PRPSAP1: variants seen among roughly 807,000 people sequenced by gnomAD.
PRPSAP1 encodes phosphoribosyl pyrophosphate synthase-associated protein 1.
In PRPSAP1, 31 loss-of-function variants were observed where a neutral mutation model predicts 39.4. That is an observed-to-expected ratio of 0.79 (90% CI 0.59 to 1.06). The LOEUF is 1.06. PRPSAP1 is among the 50% of genes least tolerant of loss of function. The pLI is 0.00. For synonymous variants in PRPSAP1, 212 were observed against 192.6 expected (o/e 1.10, Z -0.83); for missense variants, 430 against 511.6 (o/e 0.84, Z 1.54).
chr17:76,340,772 C>T (rs1254462876), intron 3 of PRPSAP1, among the ~76,000 whole-genome samples: 1 of 151,972 alleles, frequency 6.6e-6, no homozygotes, highest in Non-Finnish European at 1.5e-5. Context: ...TGCCTGTAGT[C>T]CCAGCTACTC....
intron 7 of PRPSAP1, 69 bp downstream of exon 7, chr17:76,328,648 C>A (rs346791): frequency 0.8 from 1,232,560 of 1,534,148 alleles, 496,412 homozygotes; most frequent in African/African-American, 0.87. Context: ...AACAACAAAA[C>A]CAACAAAACC....
In PRPSAP1 at chr17:76,312,877, A is replaced by G. The variant is rs768917584; in HGVS notation, c.992T>C (p.Val331Ala). The change falls in exon 9 of 10, where the codon GTA becomes GCA. Residue 331 changes from valine to alanine, a missense_variant. By Grantham distance (64) the Val-to-Ala change is moderately conservative. Coordinates refer to ENST00000446526, the MANE Select transcript of PRPSAP1 (RefSeq NM_002766.3). The stretch of plus-strand genomic sequence containing the variant: ...ATTTAGAAGCAGCCTGACCTCGTCT[A>G]CGGAGGACTCCTCAATCAGGCGAGG... ...EAPRLIEESS[V>A]DEVVVTNTVP... 1.5e-4 allele frequency: 242 copies of G among 1,612,734 alleles called. No homozygotes were observed. Among genetic ancestry groups the G allele is most frequent in the Non-Finnish European group, 2.0e-4 (233 of 1,179,682 alleles).
At chr17:76,324,370 G>A (rs1188007119) in intron 7 of PRPSAP1, among the ~76,000 whole-genome samples, 2 of 151,886 alleles carry the variant, frequency 1.3e-5, no homozygotes, top group Non-Finnish European at 2.9e-5. Flanking sequence ...AGGCTAAGGC[G>A]GGTGGATCAT....
chr17:76,344,973 C>T (rs534563757), intron 2 of PRPSAP1, among the ~76,000 whole-genome samples: 6 of 151,948 alleles, frequency 3.9e-5, no homozygotes, highest in South Asian at 2.1e-4. Flanking sequence ...CGGTGGCTCA[C>T]GCCTGTAATC....
intron 8 of PRPSAP1, chr17:76,313,380 C>T (rs1348541702): frequency 8.5e-6 from 2 of 234,750 alleles, no homozygotes; most frequent in Non-Finnish European, 1.7e-5. Context: ...AAGTGTGCTA[C>T]TGCAAAGGAC....
At chr17:76,312,170 G>A (rs1176182700) in intron 9 of PRPSAP1, among the ~76,000 whole-genome samples, 1 of 152,200 alleles carries the variant, frequency 6.6e-6, no homozygotes, top group Non-Finnish European at 1.5e-5. Context: ...GCCGGGCACA[G>A]TGGCTCATGC....
At chr17:76,348,629 A>T (rs770615767) in intron 1 of PRPSAP1, 48 bp from the exon 2 acceptor site, 7 of 1,444,826 alleles carry the variant, frequency 4.8e-6, no homozygotes, top group Admixed American at 2.7e-5. Context: ...TACTCTTTTT[A>T]AAAAAATTCC....
At chr17:76,342,930 A>G (rs937088360) in intron 3 of PRPSAP1, among the ~76,000 whole-genome samples, 23 of 151,698 alleles carry the variant, frequency 1.5e-4, no homozygotes, top group African/African-American at 4.6e-4. Flanking sequence ...ATACAAAAAA[A>G]TTACCCGGGC....
intron 2 of PRPSAP1, among the ~76,000 whole-genome samples, chr17:76,347,794 G>A (rs1212473084): frequency 6.6e-6 from 1 of 152,064 alleles, no homozygotes; most frequent in Admixed American, 6.6e-5. Context: ...GCAGCAAACG[G>A]CAGGCTGGAC....
intron 7 of PRPSAP1, among the ~76,000 whole-genome samples, chr17:76,326,243 G>T (rs187090479): frequency 1.2e-4 from 19 of 152,254 alleles, no homozygotes; most frequent in Non-Finnish European, 2.2e-4. Context: ...AATAAATGTA[G>T]AAGGAATGAT....
At chr17:76,315,230 G>A (rs1266097797) in intron 7 of PRPSAP1, among the ~76,000 whole-genome samples, 5 of 152,174 alleles carry the variant, frequency 3.3e-5, no homozygotes, top group Admixed American at 6.6e-5. Flanking sequence ...CTCAAAAGGA[G>A]GTTAGTAAAC....
chr17:76,341,238 T>TG (rs1567807835), intron 3 of PRPSAP1, among the ~76,000 whole-genome samples: 1 of 40,964 alleles, frequency 2.4e-5, no homozygotes, highest in Non-Finnish European at 6.7e-5. Flanking sequence ...TTTTTTGTTT[T>TG]TTTTTTTTTT....
At position 76,353,650 on chromosome 17, in the gene PRPSAP1, G is replaced by T; in HGVS notation, c.54C>A (p.Arg18=). Residue 18 remains arginine, a synonymous_variant, in exon 1 of 10, where the codon CGC becomes CGA. Coordinates refer to ENST00000446526, the MANE Select transcript of PRPSAP1 (RefSeq NM_002766.3). The part of the protein sequence containing the change: ...LPPPSASSAF[R]VPRARPVPPP... Reference sequence around the variant, plus strand: ...GGGGAACGGGGCGGGCGCGCGGGACGCGGAAAGCCGAGGACGCGGAGGGCG... The same window carrying T: ...GGGGAACGGGGCGGGCGCGCGGGACTCGGAAAGCCGAGGACGCGGAGGGCG... 6.5e-7 allele frequency: 1 copy of T among 1,531,992 alleles called. No homozygotes were observed. The allele number at this position is 1,531,992 out of a possible 1,614,324, so 94.9% of individuals were successfully genotyped here. A position where few individuals can be genotyped will look rare whatever the true frequency, so the allele number is the denominator to read the frequency against.
At chr17:76,329,659 C>T (rs2143497645) in intron 6 of PRPSAP1, among the ~76,000 whole-genome samples, 2 of 152,084 alleles carry the variant, frequency 1.3e-5, no homozygotes, top group South Asian at 4.1e-4. Context: ...CTGCTTGAAC[C>T]CAGGAGGCGG....
intron 3 of PRPSAP1, among the ~76,000 whole-genome samples, chr17:76,333,516 G>A (rs1289593906): frequency 6.6e-6 from 1 of 151,916 alleles, no homozygotes; most frequent in Non-Finnish European, 1.5e-5. Context: ...GTGGTGGCAC[G>A]TGCCTGTAGT....
chr17:76,328,559 A>G lies in PRPSAP1; in HGVS notation c.781+158T>C, dbSNP rs9912540. On this transcript the variant is annotated intron_variant, in intron 7 of 9. Coordinates refer to ENST00000446526, the MANE Select transcript of PRPSAP1 (RefSeq NM_002766.3). ...AGGAGGCAGAGGTTGCAGTCAGCCA[A>G]GATCACGCCACTGCACTCTAGCCTG... is the stretch of plus-strand genomic sequence containing the variant. Among the ~76,000 whole-genome samples, 488 of 152,328 alleles carry G rather than the reference A, an allele frequency of 3.2e-3. 2 individuals carry two copies. Among genetic ancestry groups the G allele is most frequent in the African/African-American group, 0.011 (450 of 41,578 alleles).
chr17:76,313,690 G>A, intron 8 of PRPSAP1, 131 bp downstream of exon 8: 4 of 973,168 alleles, frequency 4.1e-6, no homozygotes, highest in Non-Finnish European at 6.3e-6. Context: ...TTGGCACAAG[G>A]GAGTTTGGGT....
Position 76,311,415 on chromosome 17 carries a change from G to C in PRPSAP1, c.*127C>G. On this transcript the variant is annotated 3_prime_UTR_variant, in exon 10 of 10. Transcript: ENST00000446526. ...TTTAATCCCTCCTCCCCATCAATCCGGGCAAAAGAAGATATCTAACTCCAG... is the reference window on the plus strand; with the variant it reads ...TTTAATCCCTCCTCCCCATCAATCCCGGCAAAAGAAGATATCTAACTCCAG... The C allele has an allele frequency of 9.7e-7, 1 of 1,032,816 alleles. No individual in the cohort carries two copies. The highest frequency in any genetic ancestry group is 1.8e-5 in the South Asian group (1 of 55,408). The allele number at this position is 1,032,816 out of a possible 1,614,324, so 64.0% of individuals were successfully genotyped here. A position where few individuals can be genotyped will look rare whatever the true frequency, so the allele number is the denominator to read the frequency against.
chr17:76,312,856 A>G lies in PRPSAP1; in HGVS notation c.999+14T>C. 6.3e-7 allele frequency: 1 copy of G among 1,593,422 alleles called. No homozygotes were observed. Among genetic ancestry groups the G allele is most frequent in the Non-Finnish European group, 8.5e-7 (1 of 1,174,204 alleles). Reference sequence around the variant, plus strand: ...AGCAGTAAATCTTGGCTCAAGATTTAGAAGCAGCCTGACCTCGTCTACGGA... The same window carrying G: ...AGCAGTAAATCTTGGCTCAAGATTTGGAAGCAGCCTGACCTCGTCTACGGA... On this transcript the variant is annotated intron_variant, in intron 9 of 9. Transcript: ENST00000446526.
Sources: allele counts gnomAD v4.1 joint callset (sites outside exome capture counted in the v4.1 genomes callset), GRCh38; gene constraint gnomAD v4.1.1; transcripts MANE v1.5; gene names NCBI Gene and HGNC (gene_info 2026-07-23, HGNC 2026-07-21).